TRIM14: variants seen among roughly 807,000 people sequenced by gnomAD.
The protein encoded by TRIM14 is tripartite motif containing 14.
Under a neutral mutation model 44.5 loss-of-function variants are expected in TRIM14, and 28 were observed. The observed-to-expected ratio is 0.63, with a 90% CI of 0.47 to 0.86. TRIM14 has a LOEUF of 0.86. Among genes scored for constraint, TRIM14 ranks in the 40% least tolerant of loss-of-function variants. The pLI, the probability that TRIM14 is intolerant of heterozygous loss-of-function variation, is 0.00. For synonymous variants in TRIM14, 299 were observed against 269.2 expected (o/e 1.11, Z -1.08); for missense variants, 607 against 611.1 (o/e 0.99, Z 0.07).
chr9:98,079,627 G>A (rs1829758899), downstream of TRIM14, among the ~76,000 whole-genome samples: 1 of 152,130 alleles, frequency 6.6e-6, no homozygotes, highest in Non-Finnish European at 1.5e-5. Context: ...AATGTCGAAA[G>A]TAAACATCCC....
downstream of TRIM14, chr9:98,081,041 A>G (rs745933894): frequency 1.9e-5 from 31 of 1,614,008 alleles, no homozygotes; most frequent in Middle Eastern, 3.3e-4. Flanking sequence ...GGGCTCCCCA[A>G]CCAAGCAGCT....
At chr9:98,065,528 G>A (rs564072313), downstream of TRIM14, among the ~76,000 whole-genome samples, 150 of 122,258 alleles carry the variant, frequency 1.2e-3, no homozygotes, top group African/African-American at 4.0e-3. Flanking sequence ...TAGTAGAGAC[G>A]GGGTTTCACC....
downstream of TRIM14, chr9:98,082,717 G>A: frequency 2.7e-6 from 2 of 741,766 alleles, no homozygotes; most frequent in Non-Finnish European, 4.5e-6. Flanking sequence ...AGCAGTGTAG[G>A]GGGCAACAGA....
chr9:98,080,790 GTTAT>G (rs764300053), downstream of TRIM14: 12 of 1,548,970 alleles, frequency 7.7e-6, no homozygotes, highest in Non-Finnish European at 8.7e-6. Context: ...GATATTTAAT[GTTAT>G]TTTTCTTTTT....
the TRIM14 span, among the ~76,000 whole-genome samples, chr9:98,052,293 C>T: frequency 9.3e-5 from 14 of 149,878 alleles, no homozygotes; most frequent in Non-Finnish European, 1.9e-4. Context: ...ATGTGGACCT[C>T]AAGAATGGCA....
intron 2 of TRIM14, among the ~76,000 whole-genome samples, chr9:98,105,528 G>A (rs1826576583): frequency 6.6e-6 from 1 of 152,236 alleles, no homozygotes; most frequent in South Asian, 2.1e-4. Context: ...GCAGTGAGCT[G>A]AGATCACGCC....
At chr9:98,100,259 G>A in intron 2 of TRIM14, 95 bp from the exon 3 acceptor site, 1 of 1,107,964 alleles carries the variant, frequency 9.0e-7, no homozygotes, top group Non-Finnish European at 1.3e-6. Flanking sequence ...TGAAATGTGA[G>A]TTCAGTAAAG....
At chr9:98,117,641 GCTT>G (rs1402483209) in intron 1 of TRIM14, among the ~76,000 whole-genome samples, 3 of 152,146 alleles carry the variant, frequency 2.0e-5, no homozygotes, top group Non-Finnish European at 4.4e-5. Flanking sequence ...TTTAGGAACT[GCTT>G]CTTCTTTTTT....
rs753251731 is a variant in TRIM14 at position 98,100,180 on chromosome 9, C to G, written c.304-16G>C. On this transcript the variant is annotated splice_polypyrimidine_tract_variant and intron_variant, in intron 2 of 5. Transcript: ENST00000341469. The stretch of plus-strand genomic sequence containing the variant: ...CTGCATTAGCCTAAAAACAGAAAAA[C>G]CAGTTGCAGATGACATGTCTGCCAA... The G allele has an allele frequency of 1.2e-6, 2 of 1,608,244 alleles. No homozygotes were observed. Among genetic ancestry groups the G allele is most frequent in the East Asian group, 2.2e-5 (1 of 44,796 alleles).
At chr9:98,043,585 G>T in the TRIM14 span, among the ~76,000 whole-genome samples, 1 of 151,708 alleles carries the variant, frequency 6.6e-6, no homozygotes, top group Admixed American at 6.6e-5. Context: ...TGATTTAATT[G>T]CCAGTTAAAC....
At chr9:98,054,520 G>T in the TRIM14 span, among the ~76,000 whole-genome samples, 1 of 152,282 alleles carries the variant, frequency 6.6e-6, no homozygotes, top group East Asian at 1.9e-4. Context: ...CCATAATGGG[G>T]CTGCAGCTGC....
chr9:98,040,634 G>A, the TRIM14 span, among the ~76,000 whole-genome samples: 1 of 149,436 alleles, frequency 6.7e-6, no homozygotes, highest in African/African-American at 2.4e-5. Context: ...CTTCCTGCCT[G>A]GGGGCAGCTT....
At chr9:98,064,907 G>A (rs1020399762), downstream of TRIM14, among the ~76,000 whole-genome samples, 5 of 152,324 alleles carry the variant, frequency 3.3e-5, no homozygotes, top group Non-Finnish European at 7.3e-5. Context: ...CTGGGCCCAA[G>A]AGCTGCCTTG....
At chr9:98,052,045 G>C in the TRIM14 span, among the ~76,000 whole-genome samples, 1 of 152,108 alleles carries the variant, frequency 6.6e-6, no homozygotes, top group Non-Finnish European at 1.5e-5. Context: ...TACACACCAA[G>C]GCTAAAAGCT....
chr9:98,065,483 A>ATTTTTTT (rs397837187), downstream of TRIM14, among the ~76,000 whole-genome samples: 942 of 58,578 alleles, frequency 0.016, 63 homozygotes, highest in Non-Finnish European at 0.019. Flanking sequence ...TGCCCAGCTA[A>ATTTTTTT]TTTTTTTTTT....
chr9:98,064,209 G>T, the TRIM14 span, among the ~76,000 whole-genome samples: 1 of 152,208 alleles, frequency 6.6e-6, no homozygotes, highest in African/African-American at 2.4e-5. Flanking sequence ...GCATTCGTAC[G>T]CATGACATTC....
downstream of TRIM14, among the ~76,000 whole-genome samples, chr9:98,066,458 C>T (rs1328777329): frequency 6.6e-6 from 1 of 152,128 alleles, no homozygotes; most frequent in Non-Finnish European, 1.5e-5. Flanking sequence ...TTTTAAAGAA[C>T]AGTTTTATTG....
chr9:98,097,492 T>G (rs943729582), intron 3 of TRIM14, among the ~76,000 whole-genome samples: 1 of 152,186 alleles, frequency 6.6e-6, no homozygotes, highest in African/African-American at 2.4e-5. Context: ...TTCCTAGAAG[T>G]CTTCCCAGAC....
downstream of TRIM14, among the ~76,000 whole-genome samples, chr9:98,080,183 C>A (rs1168435690): frequency 1.3e-5 from 2 of 152,216 alleles, no homozygotes; most frequent in Non-Finnish European, 2.9e-5. Context: ...CATTGCACTC[C>A]AGCCTTGGTG....
Sources: gnomAD v4.1 joint callset for allele counts (sites outside exome capture counted in the v4.1 genomes callset) on GRCh38, gnomAD v4.1.1 for gene constraint, MANE v1.5 for transcripts, NCBI Gene and HGNC (gene_info 2026-07-23, HGNC 2026-07-21) for gene names.